The following PKHD1L1 variants were observed in gnomAD, a reference collection of about 807,000 sequenced individuals.
The protein encoded by PKHD1L1 is fibrocystin-L.
In PKHD1L1, 434 loss-of-function variants were observed where a neutral mutation model predicts 462.9. The observed-to-expected ratio is 0.94, with a 90% CI of 0.87 to 1.02. The LOEUF is 1.02. PKHD1L1 is among the 50% of genes least tolerant of loss of function. The pLI, the probability that PKHD1L1 is intolerant of heterozygous loss-of-function variation, is 0.00. For synonymous variants in PKHD1L1, 1,781 were observed against 1,750.0 expected, an observed-to-expected ratio of 1.02 and a Z score of -0.44; for missense variants, 5,202 against 5,096.1, an observed-to-expected ratio of 1.02 and a Z score of -0.63.
At chr8:109,494,022 G>C (rs1418895623) in intron 63 of PKHD1L1, among the ~76,000 whole-genome samples, 1 of 151,782 alleles carries the variant, frequency 6.6e-6, no homozygotes, top group Non-Finnish European at 1.5e-5. Flanking sequence ...GGGACAGTAA[G>C]TACCTCATCC....
At chr8:109,525,675 CAAAAT>C (rs544990176) in intron 76 of PKHD1L1, among the ~76,000 whole-genome samples, 1 of 151,502 alleles carries the variant, frequency 6.6e-6, no homozygotes, top group African/African-American at 2.4e-5. Context: ...AGGAGAAAAA[CAAAAT>C]AAAAGAACTA....
At chr8:109,373,600 G>T (rs899298549) in intron 2 of PKHD1L1, among the ~76,000 whole-genome samples, 9 of 152,132 alleles carry the variant, frequency 5.9e-5, no homozygotes, top group South Asian at 2.1e-4. Flanking sequence ...TAATGTTAGG[G>T]TGTCAATTTT....
intron 3 of PKHD1L1, 129 bp downstream of exon 3, chr8:109,381,643 AT>A: frequency 1.4e-6 from 1 of 703,530 alleles, no homozygotes; most frequent in Middle Eastern, 4.3e-4. Flanking sequence ...ATAGGTTAGT[AT>A]TTTTCATTTT....
intron 25 of PKHD1L1, among the ~76,000 whole-genome samples, chr8:109,428,722 T>C (rs936732636): frequency 8.5e-5 from 13 of 152,318 alleles, no homozygotes; most frequent in Non-Finnish European, 1.5e-4. Flanking sequence ...TTCCATATCA[T>C]TTGGCTCACA....
At chr8:109,382,831 C>T (rs1257269059) in intron 4 of PKHD1L1, among the ~76,000 whole-genome samples, 2 of 151,068 alleles carry the variant, frequency 1.3e-5, no homozygotes, top group Non-Finnish European at 2.9e-5. Flanking sequence ...TTCATATTTT[C>T]CCCTTTATCT....
intron 14 of PKHD1L1, among the ~76,000 whole-genome samples, chr8:109,402,193 T>C (rs1459367657): frequency 6.6e-6 from 1 of 152,088 alleles, no homozygotes; most frequent in Admixed American, 6.6e-5. Context: ...ACATGATACA[T>C]TGAAAATGGA....
chr8:109,507,300 T>A (rs2130975637), intron 68 of PKHD1L1, among the ~76,000 whole-genome samples: 1 of 152,300 alleles, frequency 6.6e-6, no homozygotes, highest in African/African-American at 2.4e-5. Context: ...ATGTCCTGTA[T>A]AACAGTAATC....
intron 71 of PKHD1L1, 25 bp from the exon 72 acceptor site, chr8:109,515,145 C>T: frequency 1.3e-6 from 2 of 1,489,208 alleles, no homozygotes; most frequent in Admixed American, 2.3e-5. Context: ...TTGTTGCTTT[C>T]TTAAAACTTT....
chr8:109,509,096 T>A (rs73313189), intron 70 of PKHD1L1, among the ~76,000 whole-genome samples: 1,948 of 152,178 alleles, frequency 0.013, 47 homozygotes, highest in African/African-American at 0.044. Context: ...ACTAAAATAT[T>A]CTAGAAATCA....
rs754664826 is a variant in PKHD1L1, at chr8:109,401,561, A to G, written c.1346A>G (p.Asp449Gly). 1 of 1,587,292 alleles carries G rather than the reference A, an allele frequency of 6.3e-7. No homozygotes were observed. The highest frequency in any genetic ancestry group is 8.6e-7 in the Non-Finnish European group (1 of 1,157,754). ...SYFSSPTQRS[D>G]DIHLQKGKEY... is the part of the protein sequence containing the mutation. ...TTTTCCAGTCCAACACAAAGATCAG[A>G]TGATATTCATCTGCAGAAAGGAAAA... Residue 449 changes from aspartate (D) to glycine (G), a missense_variant, in exon 14 of 78, where the codon GAT becomes GGT. Coordinates refer to ENST00000378402, the MANE Select transcript of PKHD1L1 (RefSeq NM_177531.6).
At chr8:109,372,810 T>C (rs1273789045) in intron 2 of PKHD1L1, among the ~76,000 whole-genome samples, 6 of 152,066 alleles carry the variant, frequency 3.9e-5, no homozygotes, top group Non-Finnish European at 7.4e-5. Context: ...ATTATGTTTA[T>C]TGATTTGCAT....
chr8:109,511,344 C>G (rs1819968344), intron 71 of PKHD1L1, among the ~76,000 whole-genome samples: 1 of 113,516 alleles, frequency 8.8e-6, no homozygotes, highest in Non-Finnish European at 1.8e-5. Context: ...TCCCTCCCCC[C>G]TCCCCCCACC....
intron 68 of PKHD1L1, among the ~76,000 whole-genome samples, chr8:109,505,157 T>C (rs1281247020): frequency 6.6e-6 from 1 of 152,126 alleles, no homozygotes; most frequent in Non-Finnish European, 1.5e-5. Flanking sequence ...CCCAAAGCAC[T>C]GGGATTACAG....
chr8:109,485,057 T>C lies in PKHD1L1; in HGVS notation c.9590T>C (p.Ile3197Thr). 6.3e-7 allele frequency: 1 copy of C among 1,593,910 alleles called. No homozygotes were observed. The highest frequency in any genetic ancestry group is 1.2e-5 in the South Asian group (1 of 85,956). ...AATTTTTCTAAGGAGGGAGAAGAGA[T>C]TGTGATAACAACCACAAGCTACGAT... The part of the protein sequence containing the change: ...DAVDWQEGEE[I>T]VITTTSYDFH... The change falls in exon 58 of 78, where the codon ATT (isoleucine) becomes ACT (threonine). Residue 3197 changes from isoleucine (I) to threonine (T), a missense_variant. Ile to Thr is a moderately conservative substitution (Grantham distance 89, BLOSUM62 -1). This residue lies in a region of PKHD1L1 where 4,497 missense variants were observed against 4,336.8 expected (regional missense o/e 1.04). Transcript: ENST00000378402.
At chr8:109,470,893 T>C in intron 50 of PKHD1L1, 2 of 1,556,910 alleles carry the variant, frequency 1.3e-6, no homozygotes, top group Non-Finnish European at 1.8e-6. Context: ...ACTGAGCCAG[T>C]AGAGGATGGG....
At chr8:109,435,125 A>G (rs951533474) in intron 28 of PKHD1L1, 65 bp from the exon 29 acceptor site, 1 of 1,549,714 alleles carries the variant, frequency 6.5e-7, no homozygotes, top group Non-Finnish European at 8.8e-7. Context: ...ATTTGCAAGC[A>G]TAACTTTTAT....
At chr8:109,485,872 T>C (rs559075563) in intron 58 of PKHD1L1, among the ~76,000 whole-genome samples, 1 of 152,122 alleles carries the variant, frequency 6.6e-6, no homozygotes, top group East Asian at 1.9e-4. Flanking sequence ...CATGTGTCTA[T>C]AATTCTATAT....
Position 109,419,228 on chromosome 8 carries a change from T to C in PKHD1L1, c.2492T>C (p.Ile831Thr). ...SQSFYVDVVY[I>T]GHTSTISTLD... ...TCCTTCTATGTGGATGTAGTGTACA[T>C]TGGACACACATCTACAATCTCAACA... Residue 831 changes from isoleucine (I) to threonine (T), a missense_variant, in exon 22 of 78, where the codon ATT (isoleucine) becomes ACT (threonine). Around this residue, in one of 3 missense-constraint regions of PKHD1L1, gnomAD observed 4,497 missense variants for 4,336.8 expected, o/e 1.04. Coordinates refer to ENST00000378402, the MANE Select transcript of PKHD1L1 (RefSeq NM_177531.6). 6.2e-7 allele frequency: 1 copy of C among 1,610,714 alleles called. No homozygotes were observed. Among genetic ancestry groups the C allele is most frequent in the East Asian group, 2.2e-5 (1 of 44,812 alleles).
chr8:109,528,101 A>G (rs1820906798), intron 77 of PKHD1L1, among the ~76,000 whole-genome samples: 1 of 152,192 alleles, frequency 6.6e-6, no homozygotes, highest in South Asian at 2.1e-4. Context: ...ACGTCCCTAT[A>G]TGATTAGAGA....
Sources: gnomAD v4.1 joint callset for allele counts (sites outside exome capture counted in the v4.1 genomes callset) on GRCh38, gnomAD v4.1.1 for gene constraint, gnomAD v4.1.1 regional missense constraint, MANE v1.5 for transcripts, NCBI Gene and HGNC (gene_info 2026-07-23, HGNC 2026-07-21) for gene names.